The following SHANK2 variants were observed in gnomAD, a reference collection of about 807,000 sequenced individuals.
SHANK2 encodes SH3 and multiple ankyrin repeat domains protein 2.
A neutral mutation model predicts 133.7 loss-of-function variants in SHANK2; 43 were observed. The ratio of observed to expected loss-of-function variants is 0.32; its 90% CI spans 0.25 to 0.41. SHANK2 has a LOEUF of 0.41. Ranked by LOEUF, SHANK2 falls within the 10% of genes least tolerant of loss-of-function variation. SHANK2 has a pLI of 1.00. For missense variants in SHANK2, 1,994 were observed against 2,235.8 expected, an observed-to-expected ratio of 0.89 and a Z score of 2.18; for synonymous variants, 1,017 against 952.8, an observed-to-expected ratio of 1.07 and a Z score of -1.24.
At chr11:70,921,593 T>G (rs781887229) in intron 10 of SHANK2, among the ~76,000 whole-genome samples, 28 of 152,120 alleles carry the variant, frequency 1.8e-4, no homozygotes, top group Admixed American at 6.6e-4. Context: ...AAGCGAAGCA[T>G]AAGAAATGGA....
At chr11:71,081,955 C>T (rs913359043) in intron 8 of SHANK2, among the ~76,000 whole-genome samples, 6 of 152,244 alleles carry the variant, frequency 3.9e-5, no homozygotes, top group Admixed American at 3.3e-4. Flanking sequence ...CCTGGAGGTG[C>T]TCATCTGGAA....
intron 17 of SHANK2, among the ~76,000 whole-genome samples, chr11:70,632,214 C>T (rs868972588): frequency 1.1e-4 from 17 of 152,126 alleles, no homozygotes; most frequent in Non-Finnish European, 1.5e-4. Flanking sequence ...CTCTGCCTCC[C>T]GGGTTCATGC....
At chr11:70,872,052 A>C (rs565295333) in intron 11 of SHANK2, among the ~76,000 whole-genome samples, 52 of 152,328 alleles carry the variant, frequency 3.4e-4, no homozygotes, top group African/African-American at 1.2e-3. Context: ...CTGCTTCTGC[A>C]GCAGTAGGAT....
intron 17 of SHANK2, among the ~76,000 whole-genome samples, chr11:70,618,621 G>C (rs2060788669): frequency 6.6e-6 from 1 of 152,180 alleles, no homozygotes; most frequent in Non-Finnish European, 1.5e-5. Flanking sequence ...AGAATTACGA[G>C]GCATTTCAGC....
intron 10 of SHANK2, among the ~76,000 whole-genome samples, chr11:70,953,517 A>G: frequency 6.6e-6 from 1 of 151,454 alleles, no homozygotes; most frequent in East Asian, 2.0e-4. Context: ...TAGGTCCCAG[A>G]GTCCAAAGGC....
chr11:70,916,524 C>T (rs1555079898), intron 10 of SHANK2, among the ~76,000 whole-genome samples: 1 of 152,166 alleles, frequency 6.6e-6, no homozygotes, highest in Non-Finnish European at 1.5e-5. Flanking sequence ...CACACAGCTG[C>T]CCCGCCACCC....
intron 15 of SHANK2, among the ~76,000 whole-genome samples, chr11:70,693,744 TTGGGTGGA>T (rs1234734291): frequency 3.3e-5 from 5 of 151,974 alleles, no homozygotes; most frequent in African/African-American, 1.2e-4. Context: ...AATGCAGTGG[TTGGGTGGA>T]TGGGTGGATG....
chr11:70,632,326 C>A (rs1329932876), intron 17 of SHANK2, among the ~76,000 whole-genome samples: 1 of 151,886 alleles, frequency 6.6e-6, no homozygotes. Flanking sequence ...GGGGTTTTAC[C>A]GTGTTAGCCA....
rs111902630 is a variant in SHANK2 at position 70,897,761 on chromosome 11, T to A, written c.1108-1194A>T. Among the ~76,000 whole-genome samples the A allele has an allele frequency of 4.8e-4, 73 of 152,342 alleles. 1 individual carries two copies. Among genetic ancestry groups the A allele is most frequent in the African/African-American group, 1.8e-3 (73 of 41,576 alleles). ...TTTTCTTCCTTACTTAGGGCATCTG[T>A]AGGCCTCAAAGGACCTTTCCTTTAG... On this transcript the variant is annotated intron_variant, in intron 10 of 25. Coordinates refer to ENST00000601538, the MANE Select transcript of SHANK2 (RefSeq NM_012309.5).
At chr11:71,222,823 C>T (rs1455536577) in intron 2 of SHANK2, among the ~76,000 whole-genome samples, 3 of 152,250 alleles carry the variant, frequency 2.0e-5, no homozygotes, top group African/African-American at 4.8e-5. Context: ...TTCTCATATG[C>T]ATCCTTGTGA....
At chr11:71,240,553 GA>G (rs1191818487) in intron 1 of SHANK2, among the ~76,000 whole-genome samples, 1 of 152,182 alleles carries the variant, frequency 6.6e-6, no homozygotes, top group Non-Finnish European at 1.5e-5. Flanking sequence ...CCTAGAGAAT[GA>G]AGGTTACAAA....
At chr11:70,646,829 TTTTATTTATTTA>T (rs201368975) in intron 17 of SHANK2, among the ~76,000 whole-genome samples, 23 of 81,968 alleles carry the variant, frequency 2.8e-4, no homozygotes, top group East Asian at 1.9e-3. Context: ...CTTTTATTTA[TTTTATTTATTTA>T]TTTATTTATT....
rs916190595 is a variant in SHANK2, at chr11:71,089,060, A to C, written c.912+3362T>G. ...GTCCTGAACTTGACCTTGACCTCAA[A>C]TCAGCCTAGTGAGTTTTAAAAACCA... On this transcript the variant is annotated intron_variant, in intron 8 of 25. Transcript: ENST00000601538. 1.6e-3 allele frequency among the ~76,000 whole-genome samples: 237 copies of C among 152,338 alleles called. 2 individuals carry two copies. The highest frequency in any genetic ancestry group is 5.4e-3 in the African/African-American group (224 of 41,588).
rs532640621 is a variant in SHANK2 at position 71,138,304 on chromosome 11, G to A, written c.207+8816C>T. ...GATGAGGAGCCAGCCCCAGGTACAG[G>A]AGGGGAAGATAGGCTCAGACGTTGC... On this transcript the variant is annotated intron_variant, in intron 3 of 25. Coordinates refer to ENST00000601538, the MANE Select transcript of SHANK2 (RefSeq NM_012309.5). Among the ~76,000 whole-genome samples the A allele has an allele frequency of 5.2e-3, 792 of 152,356 alleles. 7 individuals are homozygous for A. Among genetic ancestry groups the A allele is most frequent in the African/African-American group, 0.017 (724 of 41,586 alleles).
At chr11:71,072,464 C>T (rs1381514286) in intron 9 of SHANK2, among the ~76,000 whole-genome samples, 1 of 152,228 alleles carries the variant, frequency 6.6e-6, no homozygotes, top group African/African-American at 2.4e-5. Flanking sequence ...CTGCTCTCCT[C>T]GGCTCTCACA....
chr11:71,208,977 G>A (rs1452785651), intron 2 of SHANK2, among the ~76,000 whole-genome samples: 4 of 152,194 alleles, frequency 2.6e-5, no homozygotes, highest in African/African-American at 9.7e-5. Flanking sequence ...GCAGAAGTAA[G>A]ATGCACCGTC....
At chr11:70,815,928 G>A (rs1555054215) in intron 12 of SHANK2, among the ~76,000 whole-genome samples, 1 of 152,232 alleles carries the variant, frequency 6.6e-6, no homozygotes, top group East Asian at 1.9e-4. Context: ...GACCTGGCCA[G>A]TCGCCTCCCT....
chr11:70,606,463 T>TGTAC (rs1554992428), intron 17 of SHANK2, among the ~76,000 whole-genome samples: 1 of 137,308 alleles, frequency 7.3e-6, no homozygotes, highest in Non-Finnish European at 1.5e-5. Context: ...GTCACGTGAT[T>TGTAC]GTACCACTGA....
At chr11:70,505,468 C>A (rs1440881182) in intron 17 of SHANK2, among the ~76,000 whole-genome samples, 2 of 152,066 alleles carry the variant, frequency 1.3e-5, no homozygotes, top group Admixed American at 6.5e-5. Context: ...AGTAGGGAGC[C>A]CCCAGCTGCC....
Sources: allele counts gnomAD v4.1 joint callset (sites outside exome capture counted in the v4.1 genomes callset), GRCh38; gene constraint gnomAD v4.1.1; transcripts MANE v1.5; gene names NCBI Gene and HGNC (gene_info 2026-07-23, HGNC 2026-07-21).